Variants in KLHL30 observed in about 807,000 individuals in gnomAD.
KLHL30 encodes the protein kelch-like protein 30.
Under a neutral mutation model 55.0 loss-of-function variants are expected in KLHL30, and 55 were observed. The ratio of observed to expected loss-of-function variants is 1.00; its 90% CI spans 0.80 to 1.25. The LOEUF (loss-of-function observed/expected upper bound fraction) is 1.25, where lower values mean the gene tolerates loss of function less well. Among genes scored for constraint, KLHL30 ranks in the 50% most tolerant of loss-of-function variants. KLHL30 has a pLI of 0.00. For synonymous variants in KLHL30, 356 were observed against 372.6 expected (o/e 0.96, Z 0.51); for missense variants, 786 against 811.6 (o/e 0.97, Z 0.38).
chr2:238,151,367 C>T lies in KLHL30; in HGVS notation c.*302C>T, dbSNP rs1279792003. 4.3e-6 allele frequency: 2 copies of T among 467,838 alleles called. No homozygotes were observed. The highest frequency in any genetic ancestry group is 7.7e-6 in the Non-Finnish European group (2 of 260,488). 29.0% of individuals were successfully genotyped at this position (467,838 alleles called of 1,614,324 possible). On this transcript the variant is annotated 3_prime_UTR_variant, in exon 8 of 8. Coordinates refer to ENST00000409223, the MANE Select transcript of KLHL30 (RefSeq NM_198582.4). ...AGACCTCAGAGAGGGGAGCCGGGGG[C>T]CGGGCCAGCATTCCCAGAGCTTGCG...
At chr2:238,144,490 G>A (rs1329257790) in intron 3 of KLHL30, among the ~76,000 whole-genome samples, 1 of 151,824 alleles carries the variant, frequency 6.6e-6, no homozygotes, top group Non-Finnish European at 1.5e-5. Flanking sequence ...CAGGCATGCT[G>A]TTGGTGTTAT....
chr2:238,142,815 A>T lies in KLHL30; in HGVS notation c.791A>T (p.Gln264Leu). The T allele has an allele frequency of 1.4e-6, 2 of 1,418,706 alleles. No homozygotes were observed. The highest frequency in any genetic ancestry group is 1.8e-6 in the Non-Finnish European group (2 of 1,089,088). The allele number at this position is 1,418,706 out of a possible 1,614,324, so 87.9% of individuals were successfully genotyped here. The change falls in exon 3 of 8, where the codon CAG becomes CTG. Residue 264 changes from glutamine to leucine, a missense_variant. By Grantham distance (113) the Gln-to-Leu change is moderately radical. Transcript: ENST00000409223. Reference protein sequence around the residue: ...QGHDGAPLALQQKLEEVLVVV... With the variant: ...QGHDGAPLALLQKLEEVLVVV... ...ACCCCACAGGCACCACTCGCCCTCC[A>T]GCAGAAGCTGGAGGAGGTCCTGGTG...
chr2:238,145,185 T>C (rs373283433), intron 4 of KLHL30, among the ~76,000 whole-genome samples, 197 bp downstream of exon 4: 15 of 152,298 alleles, frequency 9.8e-5, no homozygotes, highest in African/African-American at 3.4e-4. Context: ...CAGGCTAGTG[T>C]GGGCCCACCC....
Position 238,149,124 on chromosome 2 carries a change from A to G in KLHL30, c.1457A>G (p.Tyr486Cys). ...GACAACACCAAGAAGGTCTACGTGT[A>G]CGACCCCGGGGCCAACCTGTGGCAG... ...IGDNTKKVYVYDPGANLWQKV... is the reference protein window; with the variant it reads ...IGDNTKKVYVCDPGANLWQKV... The change falls in exon 7 of 8, where the codon TAC (tyrosine) becomes TGC (cysteine). Residue 486 changes from tyrosine (Y) to cysteine (C), a missense_variant. By Grantham distance (194) the Tyr-to-Cys change is radical. Coordinates refer to ENST00000409223, the MANE Select transcript of KLHL30 (RefSeq NM_198582.4). 6.2e-7 allele frequency: 1 copy of G among 1,612,974 alleles called. No individual in the cohort carries two copies. Among genetic ancestry groups the G allele is most frequent in the Non-Finnish European group, 8.5e-7 (1 of 1,179,826 alleles).
At chr2:238,144,432 A>AAGGAAGGCAGGCAGGC (rs1692608040) in intron 3 of KLHL30, among the ~76,000 whole-genome samples, 27 of 82,432 alleles carry the variant, frequency 3.3e-4, no homozygotes, top group South Asian at 8.3e-4. Flanking sequence ...GGAAGGAAGG[A>AAGGAAGGCAGGCAGGC]AGGCAGGCAG....
intron 6 of KLHL30, among the ~76,000 whole-genome samples, chr2:238,148,536 T>C (rs1209708820): frequency 6.6e-6 from 1 of 152,076 alleles, no homozygotes. Context: ...CTCTGGACAG[T>C]GTAGATGGTG....
chr2:238,150,681 C>T, intron 7 of KLHL30, 133 bp from the exon 8 acceptor site: 3 of 1,046,158 alleles, frequency 2.9e-6, no homozygotes, highest in Non-Finnish European at 4.1e-6. Context: ...GGACTCTGCG[C>T]TCATGCCCTG....
Position 238,147,999 on chromosome 2 carries a change from T to A in KLHL30, c.1316T>A (p.Leu439Gln). The change falls in exon 6 of 8, where the codon CTG (leucine) becomes CAG (glutamine). Residue 439 changes from leucine (L) to glutamine (Q), a missense_variant. Physicochemically the swap from Leu to Gln is moderately radical, Grantham distance 113. Transcript: ENST00000409223. This position sits in a 1 kb window ranked among gnomAD's most constrained non-coding sequence, Gnocchi z 5.8. The stretch of plus-strand genomic sequence containing the variant: ...GCCTGCAAGTACAACGCCCTGGCCC[T>A]GCAGTGCTACAACCCTGTCACAGGT... ...SSACKYNALA[L>Q]QCYNPVTDAW... 6.6e-7 allele frequency: 1 copy of A among 1,518,330 alleles called. No individual in the cohort carries two copies. The highest frequency in any genetic ancestry group is 8.8e-7 in the Non-Finnish European group (1 of 1,130,090). The allele number at this position is 1,518,330 out of a possible 1,614,324, so 94.1% of individuals were successfully genotyped here.
chr2:238,150,775 C>T (rs1692739175), intron 7 of KLHL30, 39 bp from the exon 8 acceptor site: 5 of 1,540,692 alleles, frequency 3.2e-6, no homozygotes, highest in Non-Finnish European at 2.6e-6. Context: ...TGCTCTCCAG[C>T]TCCCGCCCAC....
In KLHL30 at chr2:238,144,884, CCT is replaced by C. The variant is rs1692619603; in HGVS notation, c.908-11_908-10del. ...GGAGCCTGGCAGCCTGACCCTTCTG[CCT>C]CTCTCTTCCTGCCAGAGAGGTGGAT... On this transcript the variant is annotated splice_polypyrimidine_tract_variant and intron_variant, in intron 3 of 7. Coordinates refer to ENST00000409223, the MANE Select transcript of KLHL30 (RefSeq NM_198582.4). The C allele has an allele frequency of 1.3e-6, 2 of 1,592,394 alleles. No homozygotes were observed. Among genetic ancestry groups the C allele is most frequent in the Non-Finnish European group, 1.7e-6 (2 of 1,165,758 alleles).
rs541536208 is a variant in KLHL30 at position 238,140,967 on chromosome 2, T to C, written c.213T>C (p.Ser71=). The C allele has an allele frequency of 1.2e-6, 2 of 1,612,108 alleles. No homozygotes were observed. Among genetic ancestry groups the C allele is most frequent in the East Asian group, 4.5e-5 (2 of 44,878 alleles). ...CGGGTGACTTCGCCGAGAGCTTCTC[T>C]GCGCGCGTGGAGCTGCGGGACGTGG... The part of the protein sequence containing the change: ...MFAGDFAESF[S]ARVELRDVEP... Residue 71 remains serine (S), a synonymous_variant, in exon 2 of 8, where the codon TCT becomes TCC. Transcript: ENST00000409223.
intron 3 of KLHL30, among the ~76,000 whole-genome samples, chr2:238,144,576 G>A (rs1311830344): frequency 1.3e-5 from 2 of 152,152 alleles, no homozygotes; most frequent in African/African-American, 2.4e-5. Context: ...CTCAGGGGCT[G>A]AATGGTCCAT....
At position 238,147,633 on chromosome 2, in the gene KLHL30, TCCACCC is replaced by T. The variant is rs1260792481; in HGVS notation, c.1151-189_1151-184del. ...AGTGGGGCATTTCTAGGCCCGAGTGTCCACCCCCACCCCCACCACTTCCTGGCGGGG... is the reference window on the plus strand; with the variant it reads ...AGTGGGGCATTTCTAGGCCCGAGTGTCCACCCCCACCACTTCCTGGCGGGG... On this transcript the variant is annotated intron_variant, in intron 5 of 7. Coordinates refer to ENST00000409223, the MANE Select transcript of KLHL30 (RefSeq NM_198582.4). The surrounding 1 kb of genome is among the most constrained non-coding windows in gnomAD (Gnocchi z 5.8). 2.6e-5 allele frequency among the ~76,000 whole-genome samples: 4 copies of T among 152,010 alleles called. No homozygotes were observed. The highest frequency in any genetic ancestry group is 5.9e-5 in the Non-Finnish European group (4 of 67,966).
rs563581501 is a variant in KLHL30, at chr2:238,150,860, T to C, written c.1532T>C (p.Leu511Pro). The change falls in exon 8 of 8, where the codon CTG (leucine) becomes CCG (proline). Residue 511 changes from leucine to proline, a missense_variant. Physicochemically the swap from Leu to Pro is moderately conservative, Grantham distance 98 (BLOSUM62 -3). Transcript: ENST00000409223. Reference sequence around the variant, plus strand: ...CATGAGAATGGCGCGCTGGTGCCACTGGGTGATGCGCTGTACGTGACGGGC... The same window carrying C: ...CATGAGAATGGCGCGCTGGTGCCACCGGGTGATGCGCTGTACGTGACGGGC... ...SLHENGALVP[L>P]GDALYVTGGR... 1 of 1,594,892 alleles carries C rather than the reference T, an allele frequency of 6.3e-7. No homozygotes were observed. The highest frequency in any genetic ancestry group is 1.1e-5 in the South Asian group (1 of 87,762).
chr2:238,143,669 C>T (rs1424983959), intron 3 of KLHL30, among the ~76,000 whole-genome samples: 2 of 152,212 alleles, frequency 1.3e-5, no homozygotes, highest in Non-Finnish European at 2.9e-5. Context: ...TTGGCGTCAG[C>T]GGCTGGCAGG....
Position 238,140,860 on chromosome 2 carries a change from A to G in KLHL30, c.106A>G (p.Thr36Ala), listed in dbSNP as rs12476449. Reference protein sequence around the residue: ...LRSQPKLADVTLLVGGRELPC... With the variant: ...LRSQPKLADVALLVGGRELPC... ...CTCTCAGCCCAAGCTGGCCGACGTC[A>G]CACTGCTGGTGGGCGGCCGGGAGCT... Residue 36 changes from threonine to alanine, a missense_variant, in exon 2 of 8, where the codon ACA (threonine) becomes GCA (alanine). By Grantham distance (58) the Thr-to-Ala change is moderately conservative (BLOSUM62 0). Coordinates refer to ENST00000409223, the MANE Select transcript of KLHL30 (RefSeq NM_198582.4). The G allele has an allele frequency of 6.2e-6, 10 of 1,610,880 alleles. No homozygotes were observed. In the Admixed American group the frequency reaches 1.7e-4, roughly 27 times the overall value.
intron 6 of KLHL30, among the ~76,000 whole-genome samples, chr2:238,148,326 G>T (rs1692685878): frequency 6.6e-6 from 1 of 152,182 alleles, no homozygotes; most frequent in South Asian, 2.1e-4. Context: ...GGGTGCCAGT[G>T]ATCTGAGCCC....
In KLHL30 at chr2:238,152,120, G is replaced by T; in HGVS notation, c.*1055G>T. 1.0e-6 allele frequency: 1 copy of T among 985,520 alleles called. No homozygotes were observed. Among genetic ancestry groups the T allele is most frequent in the Non-Finnish European group, 1.2e-6 (1 of 829,996 alleles). The allele number at this position is 985,520 out of a possible 1,614,324, so 61.0% of individuals were successfully genotyped here. A position where few individuals can be genotyped will look rare whatever the true frequency, so the allele number is the denominator to read the frequency against. ...CCTGGGACATGGGGCTAGAAGTCAGGAGTCGGGCCCGGCCAGGCACAGGCC... is the reference window on the plus strand; with the variant it reads ...CCTGGGACATGGGGCTAGAAGTCAGTAGTCGGGCCCGGCCAGGCACAGGCC... On this transcript the variant is annotated 3_prime_UTR_variant, in exon 8 of 8. Transcript: ENST00000409223.
chr2:238,144,628 C>T (rs547505614), intron 3 of KLHL30, among the ~76,000 whole-genome samples: 164 of 151,524 alleles, frequency 1.1e-3, no homozygotes, highest in African/African-American at 3.6e-3. Context: ...GGTGAGACCC[C>T]GGCCTCCAAA....
Sources: allele counts gnomAD v4.1 joint callset (sites outside exome capture counted in the v4.1 genomes callset), GRCh38; gene constraint gnomAD v4.1.1; non-coding constraint Gnocchi (gnomAD v3.1); transcripts MANE v1.5; gene names NCBI Gene and HGNC (gene_info 2026-07-23, HGNC 2026-07-21).